Variants in MARK3 observed in about 807,000 individuals in gnomAD.
MARK3 encodes the protein MAP/microtubule affinity-regulating kinase 3.
Under a neutral mutation model 90.1 loss-of-function variants are expected in MARK3, and 46 were observed. The observed-to-expected ratio is 0.51, with a 90% CI of 0.40 to 0.65. The LOEUF (loss-of-function observed/expected upper bound fraction) is 0.65. Among genes scored for constraint, MARK3 ranks in the 30% least tolerant of loss-of-function variants. The pLI is 0.00. For synonymous variants in MARK3, 321 were observed against 332.6 expected (o/e 0.97, Z 0.38); for missense variants, 818 against 947.2 (o/e 0.86, Z 1.79).
rs2093550708 is a variant in MARK3, at chr14:103,468,144, A to G, written c.1222A>G (p.Ser408Gly). 6.2e-7 allele frequency: 1 copy of G among 1,613,888 alleles called. No individual in the cohort carries two copies. Residue 408 changes from serine (S) to glycine (G), a missense_variant, in exon 12 of 18, where the codon AGT becomes GGT. Physicochemically the swap from Ser to Gly is moderately conservative, Grantham distance 56. Coordinates refer to ENST00000429436, the MANE Select transcript of MARK3 (RefSeq NM_001128918.3). The stretch of plus-strand genomic sequence containing the variant: ...GTCTCCTCACCACAAAGTGCAGAGA[A>G]GTGTTTCTTCAAGCCAAAAGCAAAG... ...GQSPHHKVQR[S>G]VSSSQKQRRY...
intron 3 of MARK3, among the ~76,000 whole-genome samples, chr14:103,442,073 T>C (rs1398335083): frequency 6.6e-6 from 1 of 151,856 alleles, no homozygotes; most frequent in Non-Finnish European, 1.5e-5. Flanking sequence ...TATCTTAATA[T>C]ACAGCACCTC....
intron 10 of MARK3, 119 bp downstream of exon 10, chr14:103,466,561 G>GT (rs2093506887): frequency 1.6e-6 from 1 of 641,180 alleles, no homozygotes; most frequent in Admixed American, 2.9e-5. Context: ...CATATGAACA[G>GT]TTTATCTGTT....
At chr14:103,482,154 C>CT (rs1423402310) in intron 14 of MARK3, among the ~76,000 whole-genome samples, 1 of 151,962 alleles carries the variant, frequency 6.6e-6, no homozygotes, top group African/African-American at 2.4e-5. Flanking sequence ...TCAAAAGTGA[C>CT]TTAATAGAAA....
chr14:103,491,720 T>C (rs2094019346), intron 14 of MARK3, 57 bp from the exon 15 acceptor site: 2 of 1,573,624 alleles, frequency 1.3e-6, no homozygotes, highest in Non-Finnish European at 8.6e-7. Flanking sequence ...AGGTATATTG[T>C]GACTGTAAAT....
At chr14:103,477,122 A>G (rs1209780499) in intron 13 of MARK3, among the ~76,000 whole-genome samples, 1 of 152,146 alleles carries the variant, frequency 6.6e-6, no homozygotes, top group Non-Finnish European at 1.5e-5. Flanking sequence ...AGTCTTTGGG[A>G]TTTCTCTGTA....
intron 13 of MARK3, among the ~76,000 whole-genome samples, chr14:103,478,400 G>C (rs1463783957): frequency 7.3e-6 from 1 of 136,316 alleles, no homozygotes; most frequent in Admixed American, 8.1e-5. Flanking sequence ...GCAACCACCA[G>C]TCTGTGTTCT....
intron 1 of MARK3, among the ~76,000 whole-genome samples, chr14:103,388,928 A>C (rs1395014115): frequency 6.6e-6 from 1 of 152,124 alleles, no homozygotes; most frequent in African/African-American, 2.4e-5. Flanking sequence ...CCAGTGATGG[A>C]CATTTTTGGC....
chr14:103,447,776 TTTTG>T, intron 3 of MARK3, among the ~76,000 whole-genome samples: 1 of 152,154 alleles, frequency 6.6e-6, no homozygotes, highest in South Asian at 2.1e-4. Flanking sequence ...TTGGATGGTT[TTTTG>T]TTTGTTTTTT....
intron 1 of MARK3, among the ~76,000 whole-genome samples, chr14:103,399,838 G>A (rs1050415361): frequency 8.6e-5 from 13 of 151,830 alleles, no homozygotes; most frequent in African/African-American, 4.8e-5. Flanking sequence ...TTGAGACCCT[G>A]TAGCTACAGG....
At position 103,405,180 on chromosome 14, in the gene MARK3, C is replaced by T. The variant is rs756558531; in HGVS notation, c.156C>T (p.His52=). The change falls in exon 2 of 18, where the codon CAC becomes CAT. Residue 52 remains histidine, a synonymous_variant. Coordinates refer to ENST00000429436, the MANE Select transcript of MARK3 (RefSeq NM_001128918.3). ...SIASCADEQP[H]IGNYRLLKTI... is the part of the protein sequence containing the mutation. Reference sequence around the variant, plus strand: ...CCTCCTGTGCAGATGAACAACCTCACATCGGAAACTACAGACTGTTGAAAA... The same window carrying T: ...CCTCCTGTGCAGATGAACAACCTCATATCGGAAACTACAGACTGTTGAAAA... 1 of 1,601,448 alleles carries T rather than the reference C, an allele frequency of 6.2e-7. No homozygotes were observed. Among genetic ancestry groups the T allele is most frequent in the South Asian group, 1.1e-5 (1 of 88,512 alleles).
intron 2 of MARK3, among the ~76,000 whole-genome samples, chr14:103,423,127 T>TTTGG (rs1453097391): frequency 1.3e-5 from 2 of 150,176 alleles, no homozygotes; most frequent in African/African-American, 4.9e-5. Context: ...TGTGTGGTAT[T>TTTGG]TTGGTTATGG....
intron 3 of MARK3, among the ~76,000 whole-genome samples, chr14:103,435,228 T>G (rs2092685551): frequency 6.6e-6 from 1 of 152,182 alleles, no homozygotes; most frequent in South Asian, 2.1e-4. Flanking sequence ...TTAGAAACAT[T>G]TGTGGAGTTT....
chr14:103,449,283 A>G (rs2093071712), intron 4 of MARK3, among the ~76,000 whole-genome samples: 1 of 151,694 alleles, frequency 6.6e-6, no homozygotes, highest in Non-Finnish European at 1.5e-5. Flanking sequence ...CAGAATTAAT[A>G]TTTTCAAAGG....
intron 13 of MARK3, among the ~76,000 whole-genome samples, chr14:103,477,684 C>G (rs2093738621): frequency 6.6e-6 from 1 of 151,954 alleles, no homozygotes; most frequent in Admixed American, 6.6e-5. Flanking sequence ...TTTCAGCTCC[C>G]CAGAAGGAGC....
At chr14:103,413,882 G>A (rs1216378432) in intron 2 of MARK3, among the ~76,000 whole-genome samples, 1 of 152,124 alleles carries the variant, frequency 6.6e-6, no homozygotes, top group African/African-American at 2.4e-5. Context: ...TATATTGACA[G>A]TTTGTTCCTT....
At chr14:103,464,719 C>T (rs1298127040) in intron 7 of MARK3, among the ~76,000 whole-genome samples, 2 of 152,166 alleles carry the variant, frequency 1.3e-5, no homozygotes, top group Non-Finnish European at 2.9e-5. Context: ...TGTTTTGAGA[C>T]AGGGTTTTAC....
chr14:103,496,950 G>A (rs1464688633), intron 15 of MARK3, among the ~76,000 whole-genome samples: 1 of 152,112 alleles, frequency 6.6e-6, no homozygotes, highest in Non-Finnish European at 1.5e-5. Flanking sequence ...GCTGAGGCAG[G>A]AGGATTGCTC....
At position 103,474,083 on chromosome 14, in the gene MARK3, T is replaced by C. The variant is rs551932717; in HGVS notation, c.1265-910T>C. Among the ~76,000 whole-genome samples the C allele has an allele frequency of 2.0e-3, 297 of 149,654 alleles. 1 individual carries two copies. The highest frequency in any genetic ancestry group is 1.8e-3 in the Non-Finnish European group (122 of 67,554). ...AAAAAAATTAGTTGGCATGCGCCTG[T>C]AGTTTCAGCTACTCCGGAGGCTGAG... is the stretch of plus-strand genomic sequence containing the variant. On this transcript the variant is annotated intron_variant, in intron 12 of 17. Coordinates refer to ENST00000429436, the MANE Select transcript of MARK3 (RefSeq NM_001128918.3).
intron 3 of MARK3, among the ~76,000 whole-genome samples, chr14:103,438,921 G>A (rs531056956): frequency 2.6e-4 from 40 of 151,432 alleles, no homozygotes; most frequent in African/African-American, 8.7e-4. Context: ...CCGGGAGGTC[G>A]AGGCTGCAGT....
Sources: gnomAD v4.1 joint callset for allele counts (sites outside exome capture counted in the v4.1 genomes callset) on GRCh38, gnomAD v4.1.1 for gene constraint, MANE v1.5 for transcripts, NCBI Gene and HGNC (gene_info 2026-07-23, HGNC 2026-07-21) for gene names.